Variants in HCFC1 observed in about 807,000 individuals in gnomAD.
HCFC1 encodes the protein host cell factor C1.
In HCFC1, 7 loss-of-function variants were observed where a neutral mutation model predicts 105.5. The observed-to-expected ratio is 0.07, with a 90% CI of 0.04 to 0.12. The LOEUF is 0.12. Among genes scored for constraint, HCFC1 ranks in the 10% least tolerant of loss-of-function variants. HCFC1 has a pLI of 1.00. For synonymous variants in HCFC1, 918 were observed against 828.1 expected (o/e 1.11, Z -1.86); for missense variants, 1,065 against 1,823.6 (o/e 0.58, Z 7.58).
Position 153,951,828 on chromosome X carries a change from C to T in HCFC1, c.5260+13G>A, listed in dbSNP as rs782703425. 83 of 1,185,983 alleles carry T rather than the reference C, an allele frequency of 7.0e-5. No homozygotes were observed. Among genetic ancestry groups the T allele is most frequent in the Non-Finnish European group, 9.3e-5 (82 of 881,072 alleles). On this transcript the variant is annotated intron_variant, in intron 20 of 25. Coordinates refer to ENST00000310441, the MANE Select transcript of HCFC1 (RefSeq NM_005334.3). ...CCCACCACCCCAGCACCAATTCGCC[C>T]TCAGTCGCTTACTCTCAGTGGCCGT...
At chrX:153,965,491 G>A (rs1212820405) in intron 1 of HCFC1, among the ~76,000 whole-genome samples, 1 of 111,520 alleles carries the variant, frequency 9.0e-6, no homozygotes, top group East Asian at 2.8e-4. Flanking sequence ...CCTCAAACTT[G>A]ACTCCCCTCA....
chrX:153,963,061 A>G (rs781865137), intron 4 of HCFC1, among the ~76,000 whole-genome samples, 164 bp downstream of exon 4: 1 of 112,314 alleles, frequency 8.9e-6, no homozygotes, highest in South Asian at 3.7e-4. Flanking sequence ...GGGACGATCC[A>G]GGGTTCCCCA....
chrX:153,961,718 C>T, intron 5 of HCFC1, 70 bp from the exon 6 acceptor site: 4 of 782,103 alleles, frequency 5.1e-6, no homozygotes, highest in Non-Finnish European at 7.7e-6. Flanking sequence ...ACCTCTGCTA[C>T]CCCAGTTCTA....
chrX:153,962,301 G>A lies in HCFC1; in HGVS notation c.718C>T (p.Leu240=). 1 of 1,204,955 alleles carries A rather than the reference G, an allele frequency of 8.3e-7. No individual in the cohort carries two copies. Among genetic ancestry groups the A allele is most frequent in the South Asian group, 1.8e-5 (1 of 56,624 alleles). ...GDLWTLDIDT[L]TWNKPSLSGV... is the part of the protein sequence containing the mutation. Reference sequence around the variant, plus strand: ...CTGAGACTGGGCTTATTCCACGTCAGGGTGTCTGCAGAGAGACGGAGGGGA... The same window carrying A: ...CTGAGACTGGGCTTATTCCACGTCAAGGTGTCTGCAGAGAGACGGAGGGGA... The change falls in exon 5 of 26, where the codon CTG becomes TTG. Residue 240 remains leucine, a synonymous_variant. Coordinates refer to ENST00000310441, the MANE Select transcript of HCFC1 (RefSeq NM_005334.3).
chrX:153,958,228 T>A lies in HCFC1; in HGVS notation c.1825A>T (p.Met609Leu). 8.3e-7 allele frequency: 1 copy of A among 1,210,685 alleles called. No individual in the cohort carries two copies. The highest frequency in any genetic ancestry group is 1.1e-6 in the Non-Finnish European group (1 of 894,300). Reference sequence around the variant, plus strand: ...ACCTGGGCGGCTGCAGTCTTCAGCATGCGAGTGGCAGGGTTGCTCACCTGG... The same window carrying A: ...ACCTGGGCGGCTGCAGTCTTCAGCAAGCGAGTGGCAGGGTTGCTCACCTGG... Reference protein sequence around the residue: ...PVMVSNPATRMLKTAAAQVGT... With the variant: ...PVMVSNPATRLLKTAAAQVGT... The change falls in exon 11 of 26, where the codon ATG becomes TTG. Residue 609 changes from methionine to leucine, a missense_variant. This residue lies in a region of HCFC1 where 137 missense variants were observed against 378.2 expected (regional missense o/e 0.36). Transcript: ENST00000310441.
chrX:153,956,184 G>A lies in HCFC1; in HGVS notation c.2856+7C>T, dbSNP rs782635475. The A allele has an allele frequency of 5.0e-6, 6 of 1,206,240 alleles. No homozygotes were observed. The South Asian group carries it at 1.1e-4, about 21-fold the overall frequency. On this transcript the variant is annotated splice_region_variant and intron_variant, in intron 16 of 25. Transcript: ENST00000310441. ...TCGCCCACACGTGGCCTCAGGCCCT[G>A]CCCTACCTGCATGGTGATGGTTGGG...
Position 153,952,730 on chromosome X carries a change from G to A in HCFC1, c.4726C>T (p.Pro1576Ser). 3 of 1,209,312 alleles carry A rather than the reference G, an allele frequency of 2.5e-6. No homozygotes were observed. Among genetic ancestry groups the A allele is most frequent in the Non-Finnish European group, 3.4e-6 (3 of 893,949 alleles). ...VVATVVVQPP[P>S]PTQSEVDQLS... Reference sequence around the variant, plus strand: ...TGGTCTACTTCGGACTGTGTGGGTGGGGGTGGCTGGACCACCACAGTGGCC... The same window carrying A: ...TGGTCTACTTCGGACTGTGTGGGTGAGGGTGGCTGGACCACCACAGTGGCC... Residue 1576 changes from proline (P) to serine (S), a missense_variant, in exon 19 of 26, where the codon CCA (proline) becomes TCA (serine). Around this residue, in one of 17 missense-constraint regions of HCFC1, gnomAD observed 546 missense variants for 599.9 expected, o/e 0.91. Transcript: ENST00000310441.
chrX:153,964,884 C>T (rs1367600792), intron 1 of HCFC1, among the ~76,000 whole-genome samples, 158 bp from the exon 2 acceptor site: 1 of 112,188 alleles, frequency 8.9e-6, no homozygotes, highest in Non-Finnish European at 1.9e-5. Flanking sequence ...GGCCATCTTC[C>T]AAACCCCTCG....
intron 18 of HCFC1, among the ~76,000 whole-genome samples, chrX:153,953,382 G>A (rs782228746): frequency 8.9e-6 from 1 of 112,297 alleles, no homozygotes; most frequent in African/African-American, 3.2e-5. Flanking sequence ...GAAGTGACAC[G>A]CGATGAGAAC....
At position 153,971,781 on chromosome X, in the gene HCFC1, G is replaced by C; in HGVS notation, c.-941C>G. 1 of 297,541 alleles carries C rather than the reference G, an allele frequency of 3.4e-6. No homozygotes were observed. 24.5% of individuals were successfully genotyped at this position (297,541 alleles called of 1,213,427 possible). On this transcript the variant is annotated 5_prime_UTR_variant, in exon 1 of 26. Transcript: ENST00000310441. ...CGGCAGAAGAAGCGGTAACGGCAGG[G>C]CGCTCATGCCTCCTCCCTGGGAGCC... is the stretch of plus-strand genomic sequence containing the variant.
intron 14 of HCFC1, 34 bp from the exon 15 acceptor site, chrX:153,956,797 C>T (rs1484309805): frequency 6.3e-5 from 76 of 1,207,724 alleles, no homozygotes; most frequent in Non-Finnish European, 8.3e-5. Context: ...ACCAACGTCA[C>T]CACCAGGCTG....
rs979292841 is a variant in HCFC1, at chrX:153,971,012, C to G, written c.-172G>C. 1 of 405,392 alleles carries G rather than the reference C, an allele frequency of 2.5e-6. No individual in the cohort carries two copies. Among genetic ancestry groups the G allele is most frequent in the Non-Finnish European group, 4.2e-6 (1 of 239,333 alleles). 33.4% of individuals were successfully genotyped at this position (405,392 alleles called of 1,213,427 possible). On this transcript the variant is annotated 5_prime_UTR_variant, in exon 1 of 26. Transcript: ENST00000310441. ...TCTTAACTGCCCTCCTTCCCTTTGG[C>G]TCTTCCCTTTCTTCTCGCTCACCCC...
chrX:153,964,438 T>C, intron 2 of HCFC1, 140 bp downstream of exon 2: 1 of 888,155 alleles, frequency 1.1e-6, no homozygotes, highest in Non-Finnish European at 1.6e-6. Context: ...GCTGCCTTCT[T>C]CTGAGGTGGG....
intron 16 of HCFC1, among the ~76,000 whole-genome samples, chrX:153,955,842 A>G (rs1356870845): frequency 1.8e-5 from 2 of 112,906 alleles, no homozygotes; most frequent in Non-Finnish European, 3.8e-5. Context: ...ATCCCCCTCA[A>G]TGCTCAAAGG....
At chrX:153,949,850 C>T (rs1352267349) in intron 24 of HCFC1, among the ~76,000 whole-genome samples, 1 of 112,091 alleles carries the variant, frequency 8.9e-6, no homozygotes, top group Non-Finnish European at 1.9e-5. Flanking sequence ...GCTCAGCTCC[C>T]ACCTCTCACT....
In HCFC1 at chrX:153,964,683, G is replaced by T. The variant is rs782481466; in HGVS notation, c.237C>A (p.Pro79=). Residue 79 remains proline (P), a synonymous_variant, in exon 2 of 26, where the codon CCC becomes CCA. Coordinates refer to ENST00000310441, the MANE Select transcript of HCFC1 (RefSeq NM_005334.3). ...WFIPAVRGDI[P]PGCAAYGFVC... is the part of the protein sequence containing the mutation. The stretch of plus-strand genomic sequence containing the variant: ...CGAAGCCATAGGCTGCACACCCAGG[G>T]GGAATGTCCCCCCTCACGGCTGGGA... 2.6e-5 allele frequency: 31 copies of T among 1,197,096 alleles called. No homozygotes were observed. In the Admixed American group the frequency reaches 6.7e-4, roughly 26 times the overall value.
intron 9 of HCFC1, 71 bp from the exon 10 acceptor site, chrX:153,958,837 G>A (rs782171490): frequency 2.9e-5 from 25 of 847,833 alleles, no homozygotes; most frequent in Admixed American, 1.5e-4. Context: ...GGACCTCACC[G>A]GAACCTGCCC....
chrX:153,957,953 T>C, intron 11 of HCFC1, 67 bp from the exon 12 acceptor site: 7 of 1,152,513 alleles, frequency 6.1e-6, no homozygotes, highest in Non-Finnish European at 8.3e-6. Context: ...TGGCTGAGAC[T>C]CTCCTGGAGC....
intron 9 of HCFC1, 143 bp downstream of exon 9, chrX:153,959,188 T>A: frequency 1.6e-6 from 1 of 623,742 alleles, no homozygotes; most frequent in South Asian, 3.1e-5. Context: ...GCAGGAGCGT[T>A]TCCCCATCTG....
Sources: gnomAD v4.1 joint callset for allele counts (sites outside exome capture counted in the v4.1 genomes callset) on GRCh38, gnomAD v4.1.1 for gene constraint, gnomAD v4.1.1 regional missense constraint, MANE v1.5 for transcripts, NCBI Gene and HGNC (gene_info 2026-07-23, HGNC 2026-07-21) for gene names.